The following CRYBG1 variants were observed in gnomAD, a reference collection of about 807,000 sequenced individuals.
CRYBG1 encodes the protein crystallin beta-gamma domain containing 1.
In CRYBG1, 139 loss-of-function variants were observed where a neutral mutation model predicts 189.2. The observed-to-expected ratio is 0.73, with a 90% confidence interval of 0.64 to 0.85. CRYBG1 has a LOEUF of 0.85. CRYBG1 is among the 40% of genes least tolerant of loss of function. CRYBG1 has a pLI of 0.00. For synonymous variants in CRYBG1, 1,023 were observed against 1,017.1 expected, an observed-to-expected ratio of 1.01 and a Z score of -0.11; for missense variants, 2,611 against 2,675.8, an observed-to-expected ratio of 0.98 and a Z score of 0.53.
At chr6:106,390,104 C>T (rs1314370607) in intron 1 of CRYBG1, among the ~76,000 whole-genome samples, 2 of 152,042 alleles carry the variant, frequency 1.3e-5, no homozygotes, top group South Asian at 4.1e-4. Flanking sequence ...TCCAGGCTTA[C>T]AGTTTAATTA....
intron 1 of CRYBG1, among the ~76,000 whole-genome samples, chr6:106,408,318 A>T (rs527381040): frequency 2.6e-5 from 4 of 152,278 alleles, no homozygotes; most frequent in African/African-American, 9.6e-5. Flanking sequence ...CCAAGACTAA[A>T]CCAGGAAGAA....
At chr6:106,545,082 G>A (rs1582830414) in intron 13 of CRYBG1, 149 bp downstream of exon 13, 2 of 662,282 alleles carry the variant, frequency 3.0e-6, no homozygotes, top group East Asian at 6.0e-5. Context: ...TTGCTGTCAT[G>A]ATATTTTCGT....
rs1396598911 is a variant in CRYBG1, at chr6:106,512,818, C to G, written c.1701C>G (p.Ile567Met). 1.9e-6 allele frequency: 3 copies of G among 1,575,094 alleles called. No homozygotes were observed. Among genetic ancestry groups the G allele is most frequent in the Non-Finnish European group, 2.6e-6 (3 of 1,160,232 alleles). Residue 567 changes from isoleucine (I) to methionine (M), a missense_variant, in exon 3 of 22, where the codon ATC becomes ATG. Physicochemically the swap from Ile to Met is conservative, Grantham distance 10 (BLOSUM62 1). Around this residue, in one of 3 missense-constraint regions of CRYBG1, gnomAD observed 985 missense variants for 924.4 expected, o/e 1.07. Transcript: ENST00000633556. Reference sequence around the variant, plus strand: ...GCGGGGAGGAGGCGGCGCGGGCCATCCCCCGCGAGCTCCCGGTCAAGAGCA... The same window carrying G: ...GCGGGGAGGAGGCGGCGCGGGCCATGCCCCGCGAGCTCCCGGTCAAGAGCA... ...AESGEEAARA[I>M]PRELPVKSSS...
chr6:106,525,280 A>G lies in CRYBG1; in HGVS notation c.4306A>G (p.Ser1436Gly). ...CGTTTTCTTGCAGGTAGTGATATAT[A>G]GTGAACCCGACGTCTCTGAGAAGTG... Reference protein sequence around the residue: ...NPRPGKVVIYSEPDVSEKCIE... With the variant: ...NPRPGKVVIYGEPDVSEKCIE... The change falls in exon 6 of 22, where the codon AGT (serine) becomes GGT (glycine). Residue 1436 changes from serine to glycine, a missense_variant. Transcript: ENST00000633556. 6.2e-7 allele frequency: 1 copy of G among 1,614,148 alleles called. No homozygotes were observed. Among genetic ancestry groups the G allele is most frequent in the Non-Finnish European group, 8.5e-7 (1 of 1,179,984 alleles).
At chr6:106,424,965 A>C (rs556920148) in intron 1 of CRYBG1, among the ~76,000 whole-genome samples, 2 of 151,656 alleles carry the variant, frequency 1.3e-5, no homozygotes, top group Non-Finnish European at 2.9e-5. Context: ...AATCCCGCAG[A>C]CTCTCTGAGG....
intron 8 of CRYBG1, among the ~76,000 whole-genome samples, chr6:106,532,551 A>G (rs1298781937): frequency 6.6e-6 from 1 of 152,192 alleles, no homozygotes; most frequent in African/African-American, 2.4e-5. Flanking sequence ...CCTTTGCTCC[A>G]CATCCTCACC....
chr6:106,559,501 G>T (rs1239504571), intron 18 of CRYBG1, among the ~76,000 whole-genome samples: 2 of 152,096 alleles, frequency 1.3e-5, no homozygotes, highest in South Asian at 2.1e-4. Flanking sequence ...TAATCAGGCC[G>T]GGCTGGGTGC....
At chr6:106,433,745 G>A (rs7771307) in intron 1 of CRYBG1, among the ~76,000 whole-genome samples, 2,285 of 20,004 alleles carry the variant, frequency 0.11, 192 homozygotes, top group African/African-American at 0.32. Flanking sequence ...ACATATATAT[G>A]TATATATATA....
intron 2 of CRYBG1, among the ~76,000 whole-genome samples, chr6:106,487,998 T>C (rs1412452984): frequency 6.6e-6 from 1 of 152,074 alleles, no homozygotes; most frequent in Non-Finnish European, 1.5e-5. Flanking sequence ...AGGGTGTTGG[T>C]TGGGAATGGT....
intron 2 of CRYBG1, among the ~76,000 whole-genome samples, chr6:106,461,234 C>T (rs141430303): frequency 0.011 from 1,516 of 142,884 alleles, 15 homozygotes; most frequent in Non-Finnish European, 0.016. Flanking sequence ...GGTGACTTTC[C>T]TCCAGGAATA....
At chr6:106,434,277 G>C (rs993927047) in intron 1 of CRYBG1, among the ~76,000 whole-genome samples, 1 of 152,148 alleles carries the variant, frequency 6.6e-6, no homozygotes, top group Non-Finnish European at 1.5e-5. Flanking sequence ...TATAAGAGAG[G>C]ACACGGGCGT....
intron 1 of CRYBG1, among the ~76,000 whole-genome samples, chr6:106,425,071 C>T (rs968429015): frequency 2.0e-5 from 3 of 152,318 alleles, no homozygotes; most frequent in African/African-American, 7.2e-5. Context: ...TTTCCTTTCT[C>T]AGCTCTACCT....
intron 2 of CRYBG1, among the ~76,000 whole-genome samples, chr6:106,475,603 G>C (rs1772319537): frequency 6.6e-6 from 1 of 152,186 alleles, no homozygotes; most frequent in Non-Finnish European, 1.5e-5. Context: ...TGGACGGTCT[G>C]TGCGGGTACA....
intron 1 of CRYBG1, among the ~76,000 whole-genome samples, chr6:106,387,478 C>A (rs987896396): frequency 1.3e-5 from 2 of 152,186 alleles, no homozygotes; most frequent in Non-Finnish European, 2.9e-5. Flanking sequence ...GGCACCATTG[C>A]TCCTCCCTCC....
intron 21 of CRYBG1, among the ~76,000 whole-genome samples, chr6:106,565,042 A>G (rs1774839333): frequency 6.6e-6 from 1 of 152,210 alleles, no homozygotes; most frequent in Non-Finnish European, 1.5e-5. Context: ...GTAAAGAGCC[A>G]GGTGCCGTGG....
chr6:106,472,449 C>T (rs1478345337), intron 2 of CRYBG1, among the ~76,000 whole-genome samples: 2 of 152,112 alleles, frequency 1.3e-5, no homozygotes, highest in African/African-American at 4.8e-5. Flanking sequence ...TGAATAAAAA[C>T]TATCTAAAGA....
intron 2 of CRYBG1, among the ~76,000 whole-genome samples, chr6:106,465,348 G>GT (rs1772093829): frequency 6.6e-6 from 1 of 152,142 alleles, no homozygotes; most frequent in African/African-American, 2.4e-5. Flanking sequence ...TGATGTCTTA[G>GT]GTTAAGTCAT....
intron 2 of CRYBG1, among the ~76,000 whole-genome samples, chr6:106,503,370 T>C (rs1562091792): frequency 6.6e-6 from 1 of 152,226 alleles, no homozygotes; most frequent in Non-Finnish European, 1.5e-5. Context: ...AGAGGGCTCA[T>C]TGGCTGTTTA....
chr6:106,563,995 A>T (rs142921876), intron 21 of CRYBG1, 69 bp downstream of exon 21: 2 of 1,469,336 alleles, frequency 1.4e-6, no homozygotes, highest in Non-Finnish European at 1.9e-6. Flanking sequence ...AAATCTATTC[A>T]TAACTTTTGA....
Sources: allele counts gnomAD v4.1 joint callset (sites outside exome capture counted in the v4.1 genomes callset), GRCh38; gene constraint gnomAD v4.1.1; regional missense constraint gnomAD v4.1.1; transcripts MANE v1.5; gene names NCBI Gene and HGNC (gene_info 2026-07-23, HGNC 2026-07-21).